Variants in RCOR3 observed in about 807,000 individuals in gnomAD.
The protein encoded by RCOR3 is REST corepressor 3.
Under a neutral mutation model 64.1 loss-of-function variants are expected in RCOR3, and 13 were observed. That is an observed-to-expected ratio of 0.20 (90% confidence interval 0.13 to 0.32). RCOR3 has a LOEUF of 0.32. RCOR3 is among the 10% of genes least tolerant of loss of function. The probability of loss-of-function intolerance (pLI) is 1.00; values close to 1 mark genes in which losing one functional copy is unlikely to be tolerated. For synonymous variants in RCOR3, 215 were observed against 239.0 expected (o/e 0.90, Z 0.93); for missense variants, 489 against 701.2 (o/e 0.70, Z 3.42).
chr1:211,313,537 T>A lies in RCOR3; in HGVS notation c.1431T>A (p.Arg477=). ...ATLNQPPPLL[R]PTLPAAPALH... The stretch of plus-strand genomic sequence containing the variant: ...TGAACCAGCCTCCACCACTTCTTCG[T>A]CCAACACTGCCTGCTGCCCCGGCTC... Residue 477 remains arginine, a synonymous_variant, in exon 12 of 12, where the codon CGT becomes CGA. Coordinates refer to ENST00000419091, the MANE Select transcript of RCOR3 (RefSeq NM_001136223.3). This position sits in a 1 kb window ranked among gnomAD's most constrained non-coding sequence, Gnocchi z 4.7. 1 of 1,614,126 alleles carries A rather than the reference T, an allele frequency of 6.2e-7. No homozygotes were observed. The highest frequency in any genetic ancestry group is 8.5e-7 in the Non-Finnish European group (1 of 1,180,004).
At chr1:211,272,449 A>G (rs1696334303) in intron 3 of RCOR3, among the ~76,000 whole-genome samples, 1 of 152,060 alleles carries the variant, frequency 6.6e-6, no homozygotes, top group African/African-American at 2.4e-5. Context: ...CTGGTAGTGT[A>G]GTGTTCATGC....
intron 3 of RCOR3, among the ~76,000 whole-genome samples, chr1:211,273,736 CGTT>C (rs1558056224): frequency 6.6e-6 from 1 of 152,048 alleles, no homozygotes. Flanking sequence ...ATAAATGTGT[CGTT>C]ATTATGTATA....
chr1:211,262,726 C>A (rs1694532064), intron 2 of RCOR3, among the ~76,000 whole-genome samples: 1 of 151,316 alleles, frequency 6.6e-6, no homozygotes, highest in African/African-American at 2.4e-5. Context: ...TGGAAAGCAT[C>A]TTTTTTGTTT....
At chr1:211,308,971 T>C (rs6657779) in intron 10 of RCOR3, among the ~76,000 whole-genome samples, 144,889 of 151,506 alleles carry the variant, frequency 0.96, 69,346 homozygotes, top group East Asian at 1. Context: ...CTTGGCCTTC[T>C]AAAGTGTTGG....
At chr1:211,285,011 G>GT in intron 7 of RCOR3, among the ~76,000 whole-genome samples, 1 of 152,264 alleles carries the variant, frequency 6.6e-6, no homozygotes, top group Non-Finnish European at 1.5e-5. Context: ...AGTTGCTAGG[G>GT]TAAGTTCTGC....
chr1:211,308,698 T>TTTG (rs1701171863), intron 10 of RCOR3, among the ~76,000 whole-genome samples: 19 of 40,864 alleles, frequency 4.6e-4, no homozygotes, highest in African/African-American at 1.2e-3. Context: ...TTTTTTTTTT[T>TTTG]TGTGTAGTCC....
chr1:211,287,231 C>G (rs1329568015), intron 7 of RCOR3, among the ~76,000 whole-genome samples: 2 of 152,148 alleles, frequency 1.3e-5, no homozygotes, highest in Non-Finnish European at 2.9e-5. Flanking sequence ...ATTAATCACC[C>G]CCTCCCTCTG....
In RCOR3 at chr1:211,315,444, T is replaced by G. The variant is rs1448312683; in HGVS notation, c.*1676T>G. The G allele has an allele frequency of 6.6e-6, 1 of 152,262 alleles. No individual in the cohort carries two copies. Among genetic ancestry groups the G allele is most frequent in the Non-Finnish European group, 1.5e-5 (1 of 68,048 alleles). The allele number at this position is 152,262 out of a possible 1,614,324, so 9.4% of individuals were successfully genotyped here. A position where few individuals can be genotyped will look rare whatever the true frequency, so the allele number is the denominator to read the frequency against. On this transcript the variant is annotated 3_prime_UTR_variant, in exon 12 of 12. Transcript: ENST00000419091. ...ACTCTTTTTCCAGGTTAGGTCCTTTTCTTTCTCATTGAATCATCTTAAATA... is the reference window on the plus strand; with the variant it reads ...ACTCTTTTTCCAGGTTAGGTCCTTTGCTTTCTCATTGAATCATCTTAAATA...
intron 9 of RCOR3, among the ~76,000 whole-genome samples, chr1:211,297,570 T>C (rs1331291899): frequency 6.6e-6 from 1 of 152,186 alleles, no homozygotes; most frequent in Non-Finnish European, 1.5e-5. Flanking sequence ...TTATCAGATA[T>C]TTATTGTAAT....
chr1:211,303,433 T>C (rs1382928218), intron 9 of RCOR3: 1 of 152,272 alleles, frequency 6.6e-6, no homozygotes, highest in Non-Finnish European at 1.5e-5. Flanking sequence ...CACTTTATCT[T>C]GGCAGTTCCT....
intron 9 of RCOR3, chr1:211,301,394 T>C (rs926555434): frequency 1.3e-5 from 2 of 152,228 alleles, no homozygotes; most frequent in African/African-American, 4.8e-5. Flanking sequence ...TAAAGTCTTA[T>C]TTTAGTTATG....
intron 1 of RCOR3, 106 bp from the exon 2 acceptor site, chr1:211,260,002 G>A (rs1389193621): frequency 2.5e-6 from 3 of 1,179,090 alleles, no homozygotes; most frequent in East Asian, 1.0e-4. Flanking sequence ...TCCACCCGCC[G>A]CTTCTTTCCT....
At chr1:211,305,957 C>T (rs1452521049) in intron 10 of RCOR3, among the ~76,000 whole-genome samples, 4 of 152,104 alleles carry the variant, frequency 2.6e-5, no homozygotes, top group African/African-American at 9.7e-5. Context: ...GTAAGTTACA[C>T]TAATGCAGGA....
chr1:211,278,357 T>C, intron 6 of RCOR3, 116 bp downstream of exon 6: 1 of 1,201,246 alleles, frequency 8.3e-7, no homozygotes, highest in Non-Finnish European at 1.2e-6. Context: ...ATTCTTACAT[T>C]TATGTTTCTA....
chr1:211,298,222 G>A (rs1228194416), intron 9 of RCOR3, among the ~76,000 whole-genome samples: 5 of 152,192 alleles, frequency 3.3e-5, no homozygotes. Flanking sequence ...TTGTATGATA[G>A]ATTTATAAGC....
chr1:211,290,558 TG>T (rs1187962743), intron 8 of RCOR3, among the ~76,000 whole-genome samples: 2 of 152,194 alleles, frequency 1.3e-5, no homozygotes, highest in South Asian at 2.1e-4. Flanking sequence ...TTTAATTTTT[TG>T]TAGAGAAACG....
intron 8 of RCOR3, among the ~76,000 whole-genome samples, chr1:211,289,888 G>C (rs1459008463): frequency 6.6e-6 from 1 of 152,168 alleles, no homozygotes; most frequent in Non-Finnish European, 1.5e-5. Flanking sequence ...AACCTGTTAA[G>C]TTCTAACCCT....
intron 5 of RCOR3, 74 bp from the exon 6 acceptor site, chr1:211,278,042 TA>T: frequency 7.6e-7 from 1 of 1,312,898 alleles, no homozygotes; most frequent in Non-Finnish European, 1.0e-6. Flanking sequence ...CTTTACTAAA[TA>T]GTAAAGATAT....
chr1:211,259,962 C>G (rs1436970859), intron 1 of RCOR3, 146 bp from the exon 2 acceptor site: 1 of 1,197,428 alleles, frequency 8.4e-7, no homozygotes, highest in Admixed American at 3.5e-5. Flanking sequence ...GCTGCCATCT[C>G]CCGGAGTGCC....
Sources: gnomAD v4.1 joint callset for allele counts (sites outside exome capture counted in the v4.1 genomes callset) on GRCh38, gnomAD v4.1.1 for gene constraint, Gnocchi (gnomAD v3.1) non-coding constraint, MANE v1.5 for transcripts, NCBI Gene and HGNC (gene_info 2026-07-23, HGNC 2026-07-21) for gene names.